The following ANXA2 variants were observed in gnomAD, a reference collection of about 807,000 sequenced individuals.
The protein encoded by ANXA2 is annexin A2.
A neutral mutation model predicts 47.3 loss-of-function variants in ANXA2; 28 were observed. The observed-to-expected ratio is 0.59, with a 90% confidence interval of 0.44 to 0.81. The LOEUF (loss-of-function observed/expected upper bound fraction) is 0.81, where lower values mean the gene tolerates loss of function less well. ANXA2 is among the 40% of genes least tolerant of loss of function. The pLI, the probability that ANXA2 is intolerant of heterozygous loss-of-function variation, is 0.00. For missense variants in ANXA2, 384 were observed against 414.3 expected (o/e 0.93, Z 0.64); for synonymous variants, 172 against 155.5 (o/e 1.11, Z -0.79).
rs1346806474 is a variant in ANXA2, at chr15:60,352,415, A to G, written c.650T>C (p.Met217Thr). 2 of 1,613,768 alleles carry G rather than the reference A, an allele frequency of 1.2e-6. No homozygotes were observed. Among genetic ancestry groups the G allele is most frequent in the Non-Finnish European group, 1.7e-6 (2 of 1,179,826 alleles). Residue 217 changes from methionine to threonine, a missense_variant, in exon 9 of 13, where the codon ATG (methionine) becomes ACG (threonine). Met to Thr is a moderately conservative substitution (Grantham distance 81). Coordinates refer to ENST00000451270, the MANE Select transcript of ANXA2 (RefSeq NM_004039.3). The surrounding 1 kb of genome is among the most constrained non-coding windows in gnomAD (Gnocchi z 4.2). ...GTDVPKWISIMTERSVPHLQK... is the reference protein window; with the variant it reads ...GTDVPKWISITTERSVPHLQK... Reference sequence around the variant, plus strand: ...GAGGTGGGGCACGCTCCGCTCGGTCATGATGCTGATCCACTTGGGAACATC... The same window carrying G: ...GAGGTGGGGCACGCTCCGCTCGGTCGTGATGCTGATCCACTTGGGAACATC...
intron 5 of ANXA2, 37 bp from the exon 6 acceptor site, chr15:60,357,273 G>T: frequency 1.3e-6 from 2 of 1,558,656 alleles, no homozygotes; most frequent in Non-Finnish European, 1.8e-6. Flanking sequence ...GCAGGGAAAT[G>T]CTTCCCCACC....
At chr15:60,386,000 TTA>T in intron 2 of ANXA2, 26 bp downstream of exon 2, 1 of 1,574,022 alleles carries the variant, frequency 6.4e-7, no homozygotes, top group Non-Finnish European at 8.7e-7. Flanking sequence ...CTTGCAAAAA[TTA>T]TATAAAGTGA....
chr15:60,366,874 C>T (rs1422794055), intron 3 of ANXA2, among the ~76,000 whole-genome samples: 9 of 95,702 alleles, frequency 9.4e-5, no homozygotes, highest in Non-Finnish European at 1.6e-4. Context: ...GCCCGGCCGG[C>T]CGCCCCGTCC....
rs200119404 is a variant in ANXA2, at chr15:60,357,254, C to T, written c.358-18G>A. 33 of 1,605,260 alleles carry T rather than the reference C, an allele frequency of 2.1e-5. No individual in the cohort carries two copies. The highest frequency in any genetic ancestry group is 4.5e-5 in the East Asian group (2 of 44,834). ...CCCAGCCCCTGTGAACCAGGAAGCA[C>T]GAACATCAGCAGGGAAATGCTTCCC... On this transcript the variant is annotated intron_variant, in intron 5 of 12. Transcript: ENST00000451270.
intron 8 of ANXA2, among the ~76,000 whole-genome samples, chr15:60,353,289 C>G (rs1045515628): frequency 2.0e-5 from 3 of 152,082 alleles, no homozygotes; most frequent in African/African-American, 7.2e-5. Flanking sequence ...GGAACTAGAA[C>G]TGGCAAAAGT....
chr15:60,392,078 A>G (rs546559638), intron 1 of ANXA2, among the ~76,000 whole-genome samples: 12 of 152,302 alleles, frequency 7.9e-5, no homozygotes, highest in Admixed American at 7.2e-4. Context: ...AGACTCACTG[A>G]TAAGAGCCAT....
At chr15:60,350,258 T>C (rs1200739462) in intron 11 of ANXA2, among the ~76,000 whole-genome samples, 2 of 152,010 alleles carry the variant, frequency 1.3e-5, no homozygotes, top group African/African-American at 4.8e-5. Context: ...CACACCAGGC[T>C]GTAGTCAGCA....
chr15:60,366,843 A>T (rs1200077726), intron 3 of ANXA2, among the ~76,000 whole-genome samples: 2 of 20,298 alleles, frequency 9.9e-5, no homozygotes, highest in Admixed American at 5.5e-4. Flanking sequence ...TCCGGGAGGG[A>T]GGTGGGGGGG....
rs750167449 is a variant in ANXA2, at chr15:60,347,722, T to C, written c.961-33A>G. On this transcript the variant is annotated intron_variant, in intron 12 of 12. Transcript: ENST00000451270. The stretch of plus-strand genomic sequence containing the variant: ...GGCCCAGGAAAGAAAAGAAACGTGG[T>C]ATCAGAAAAAAGCCCAGACTCCTCA... 5.6e-6 allele frequency: 9 copies of C among 1,606,776 alleles called. No homozygotes were observed. In the South Asian group the frequency reaches 9.9e-5, roughly 18 times the overall value.
chr15:60,362,998 C>T (rs2062538146), intron 4 of ANXA2: 1 of 89,908 alleles, frequency 1.1e-5, no homozygotes, highest in East Asian at 3.5e-4. Context: ...CCACTGCAAT[C>T]AAGCCTGGGT....
At chr15:60,377,607 CAT>C (rs1168792014) in intron 3 of ANXA2, among the ~76,000 whole-genome samples, 1 of 151,982 alleles carries the variant, frequency 6.6e-6, no homozygotes, top group Non-Finnish European at 1.5e-5. Flanking sequence ...CTAAAAAACA[CAT>C]AACTAAATTT....
In ANXA2 at chr15:60,360,962, A is replaced by T; in HGVS notation, c.336T>A (p.Ser112=). Residue 112 remains serine (S), a synonymous_variant, in exon 5 of 13, where the codon TCT becomes TCA. Transcript: ENST00000451270. ...TTACCTTCATGGAAGCTTTTAGCTCAGAAGCGTCATACTGAGCAGGTGTCT... is the reference window on the plus strand; with the variant it reads ...TTACCTTCATGGAAGCTTTTAGCTCTGAAGCGTCATACTGAGCAGGTGTCT... ...LLKTPAQYDA[S]ELKASMKGLG... The T allele has an allele frequency of 6.2e-7, 1 of 1,611,408 alleles. No homozygotes were observed. The highest frequency in any genetic ancestry group is 1.1e-5 in the South Asian group (1 of 90,994).
At chr15:60,381,999 C>A (rs980612856) in intron 3 of ANXA2, among the ~76,000 whole-genome samples, 1 of 86,514 alleles carries the variant, frequency 1.2e-5, no homozygotes, top group African/African-American at 4.6e-5. Context: ...AGAGAAGAAA[C>A]GGGGGGTGGG....
intron 10 of ANXA2, 46 bp downstream of exon 10, chr15:60,351,678 C>A: frequency 7.9e-7 from 1 of 1,268,564 alleles, no homozygotes; most frequent in Non-Finnish European, 1.2e-6. Context: ...GTCACTTCTG[C>A]TCTGGTAGCT....
Position 60,397,958 on chromosome 15 carries a change from A to T in ANXA2, c.-27T>A. 7.9e-7 allele frequency: 1 copy of T among 1,271,012 alleles called. No homozygotes were observed. Among genetic ancestry groups the T allele is most frequent in the Non-Finnish European group, 9.9e-7 (1 of 1,005,980 alleles). The allele number at this position is 1,271,012 out of a possible 1,614,324, so 78.7% of individuals were successfully genotyped here. A position where few individuals can be genotyped will look rare whatever the true frequency, so the allele number is the denominator to read the frequency against. On this transcript the variant is annotated 5_prime_UTR_variant, in exon 1 of 13. Transcript: ENST00000451270. ...CCCCGCTTACCTGGGCCGTGCGCCG[A>T]GAGCTGAGAGCGTCCCCAAATGCTG...
chr15:60,388,432 C>T (rs779650544), intron 1 of ANXA2, among the ~76,000 whole-genome samples: 15 of 149,500 alleles, frequency 1.0e-4, no homozygotes, highest in Admixed American at 1.3e-4. Flanking sequence ...AGGCTGGTCT[C>T]GAACTCCTAG....
intron 1 of ANXA2, chr15:60,393,095 C>G: frequency 6.2e-6 from 8 of 1,287,804 alleles, no homozygotes; most frequent in Non-Finnish European, 8.1e-6. Context: ...ATGACTGAGT[C>G]ACAGGGCCAA....
chr15:60,371,214 G>A (rs183406546), intron 3 of ANXA2, among the ~76,000 whole-genome samples: 36 of 152,304 alleles, frequency 2.4e-4, no homozygotes, highest in Admixed American at 5.2e-4. Context: ...CACCTGGATC[G>A]TGGGCACCCC....
intron 2 of ANXA2, chr15:60,385,702 C>T (rs1298842778): frequency 4.5e-6 from 1 of 224,048 alleles, no homozygotes; most frequent in African/African-American, 2.3e-5. Flanking sequence ...TAATAAAATC[C>T]CAGGACATGA....
Sources: allele counts gnomAD v4.1 joint callset (sites outside exome capture counted in the v4.1 genomes callset), GRCh38; gene constraint gnomAD v4.1.1; non-coding constraint Gnocchi (gnomAD v3.1); transcripts MANE v1.5; gene names NCBI Gene and HGNC (gene_info 2026-07-23, HGNC 2026-07-21).